Variants in MAF observed in about 807,000 individuals in gnomAD.
The protein encoded by MAF is MAF bZIP transcription factor.
In MAF, 10 loss-of-function variants were observed where a neutral mutation model predicts 22.0. That is an observed-to-expected ratio of 0.45 (90% CI 0.28 to 0.77). The LOEUF (loss-of-function observed/expected upper bound fraction) is 0.77, where lower values mean the gene tolerates loss of function less well. Ranked by LOEUF, MAF falls within the 30% of genes least tolerant of loss-of-function variation. The probability of loss-of-function intolerance (pLI) is 0.12; values close to 1 mark genes in which losing one functional copy is unlikely to be tolerated. For missense variants in MAF, 544 were observed against 548.4 expected (o/e 0.99, Z 0.08); for synonymous variants, 337 against 255.8 (o/e 1.32, Z -3.03).
At chr16:79,376,826 A>G in the MAF span, among the ~76,000 whole-genome samples, 5 of 152,220 alleles carry the variant, frequency 3.3e-5, no homozygotes, top group Non-Finnish European at 5.9e-5. Context: ...TTCCAGCTTC[A>G]TCCATGTTCC....
the MAF span, among the ~76,000 whole-genome samples, chr16:79,243,271 TTTC>T: frequency 6.6e-6 from 1 of 152,028 alleles, no homozygotes; most frequent in Admixed American, 6.6e-5. Context: ...AAGCTGTTTT[TTTC>T]TTTTTTATTT....
chr16:79,203,266 T>A, the MAF span: 4 of 152,346 alleles, frequency 2.6e-5, no homozygotes, highest in Non-Finnish European at 1.5e-5. Flanking sequence ...AAATGAAATA[T>A]TAACAAGGCC....
chr16:79,582,615 T>C (rs143443242), downstream of MAF, among the ~76,000 whole-genome samples: 194 of 152,228 alleles, frequency 1.3e-3, 2 homozygotes, highest in African/African-American at 4.2e-3. Flanking sequence ...AAGGGGGTGA[T>C]GTGGTAGTTA....
the MAF span, among the ~76,000 whole-genome samples, chr16:79,513,462 G>C: frequency 6.6e-6 from 1 of 152,216 alleles, no homozygotes; most frequent in East Asian, 1.9e-4. Flanking sequence ...GCTGCTCCTG[G>C]AGCACAGCAG....
At chr16:79,476,672 T>C in the MAF span, among the ~76,000 whole-genome samples, 1 of 152,124 alleles carries the variant, frequency 6.6e-6, no homozygotes, top group African/African-American at 2.4e-5. Flanking sequence ...AGCATCTGGA[T>C]ATTCAAAGTG....
the MAF span, among the ~76,000 whole-genome samples, chr16:79,228,578 T>C: frequency 2.3e-4 from 35 of 152,062 alleles, 1 homozygote; most frequent in African/African-American, 6.5e-4. Context: ...CCTGCCGGTG[T>C]TTCCTCACTG....
the MAF span, among the ~76,000 whole-genome samples, chr16:79,342,162 C>A: frequency 6.6e-6 from 1 of 152,244 alleles, no homozygotes; most frequent in Non-Finnish European, 1.5e-5. Context: ...CCAAAGTCAC[C>A]CGGCAGGTAG....
chr16:79,523,029 T>C, the MAF span, among the ~76,000 whole-genome samples: 61 of 152,304 alleles, frequency 4.0e-4, no homozygotes, highest in Middle Eastern at 3.4e-3. Context: ...ATTTACTTCA[T>C]GATAATAGCA....
the MAF span, among the ~76,000 whole-genome samples, chr16:79,235,727 G>A: frequency 7.9e-5 from 12 of 151,924 alleles, no homozygotes; most frequent in African/African-American, 2.9e-4. Flanking sequence ...TGGGAGGTGG[G>A]CTAAATTCAA....
the MAF span, among the ~76,000 whole-genome samples, chr16:79,219,249 T>C: frequency 1.3e-5 from 2 of 152,242 alleles, no homozygotes. Context: ...CTTGTCCTGT[T>C]ACTTTGGAAT....
the MAF span, among the ~76,000 whole-genome samples, chr16:79,512,043 T>A: frequency 6.6e-6 from 1 of 152,214 alleles, no homozygotes; most frequent in Non-Finnish European, 1.5e-5. Context: ...TTCTCCAATA[T>A]TCCTTGTTAT....
chr16:79,401,135 C>A, the MAF span, among the ~76,000 whole-genome samples: 1 of 152,182 alleles, frequency 6.6e-6, no homozygotes, highest in Non-Finnish European at 1.5e-5. Flanking sequence ...TGGGACAGGG[C>A]GTGGCGCTGG....
At chr16:79,346,794 C>G in the MAF span, among the ~76,000 whole-genome samples, 1 of 152,206 alleles carries the variant, frequency 6.6e-6, no homozygotes, top group African/African-American at 2.4e-5. Context: ...GATCTATTTG[C>G]ACATTTCTGA....
At chr16:79,354,195 G>C in the MAF span, among the ~76,000 whole-genome samples, 1 of 151,756 alleles carries the variant, frequency 6.6e-6, no homozygotes, top group African/African-American at 2.4e-5. Context: ...GTTTTGCCAT[G>C]TTGCCCAGAC....
At chr16:79,241,868 A>C in the MAF span, among the ~76,000 whole-genome samples, 1 of 152,092 alleles carries the variant, frequency 6.6e-6, no homozygotes, top group Non-Finnish European at 1.5e-5. Context: ...TACAAGCCAG[A>C]AGAGAGTGGG....
At chr16:79,425,013 G>T in the MAF span, among the ~76,000 whole-genome samples, 1 of 151,918 alleles carries the variant, frequency 6.6e-6, no homozygotes, top group African/African-American at 2.4e-5. Flanking sequence ...GCTTAGAGAA[G>T]GTGATTTTTT....
the MAF span, among the ~76,000 whole-genome samples, chr16:79,347,641 A>G: frequency 6.6e-6 from 1 of 152,140 alleles, no homozygotes; most frequent in East Asian, 1.9e-4. Flanking sequence ...CGGGTTTATA[A>G]ATGATATGCT....
the MAF span, among the ~76,000 whole-genome samples, chr16:79,231,277 C>T: frequency 2.0e-5 from 3 of 151,966 alleles, no homozygotes; most frequent in South Asian, 6.2e-4. Flanking sequence ...CTAGCATGCA[C>T]ACAGGGAGAT....
At chr16:79,586,234 G>A (rs1399004926) in intron 1 of MAF, among the ~76,000 whole-genome samples, 1 of 152,210 alleles carries the variant, frequency 6.6e-6, no homozygotes, top group Non-Finnish European at 1.5e-5. Context: ...GCCTGGATCA[G>A]CTTTGAAGCT....
Sources: allele counts gnomAD v4.1 joint callset (sites outside exome capture counted in the v4.1 genomes callset), GRCh38; gene constraint gnomAD v4.1.1; transcripts MANE v1.5; gene names NCBI Gene and HGNC (gene_info 2026-07-23, HGNC 2026-07-21).